The following CPQ variants were observed in gnomAD, a reference collection of about 807,000 sequenced individuals.
CPQ encodes the protein Ser-Met dipeptidase.
CPQ carries 37 observed loss-of-function variants against 45.7 expected under a neutral mutation model. The observed-to-expected ratio is 0.81, with a 90% CI of 0.62 to 1.07. The LOEUF (loss-of-function observed/expected upper bound fraction) is 1.07, where lower values mean the gene tolerates loss of function less well. CPQ is among the 50% of genes least tolerant of loss of function. CPQ has a pLI of 0.00. For missense variants in CPQ, 537 were observed against 572.9 expected (o/e 0.94, Z 0.64); for synonymous variants, 186 against 205.8 (o/e 0.90, Z 0.82).
chr8:96,991,736 G>A (rs924995605), intron 5 of CPQ, among the ~76,000 whole-genome samples: 2 of 152,136 alleles, frequency 1.3e-5, no homozygotes, highest in Admixed American at 6.5e-5. Flanking sequence ...GACATGTACT[G>A]TATTAACTGG....
chr8:96,647,962 ACT>A (rs1815536122), intron 1 of CPQ, among the ~76,000 whole-genome samples: 1 of 152,170 alleles, frequency 6.6e-6, no homozygotes. Context: ...TTGGTAAGGC[ACT>A]GCCTCCCAAC....
At chr8:96,774,619 T>C (rs2130800677) in intron 1 of CPQ, among the ~76,000 whole-genome samples, 1 of 152,240 alleles carries the variant, frequency 6.6e-6, no homozygotes, top group Non-Finnish European at 1.5e-5. Flanking sequence ...CTGTTCTTCC[T>C]GAGGGAAAAA....
chr8:97,111,731 G>A lies in CPQ; in HGVS notation c.1256-31289G>A, dbSNP rs749601665. Among the ~76,000 whole-genome samples, 7 of 152,178 alleles carry A rather than the reference G, an allele frequency of 4.6e-5. No individual in the cohort carries two copies. The South Asian group carries it at 6.2e-4, about 13-fold the overall frequency. On this transcript the variant is annotated intron_variant, in intron 7 of 7. Transcript: ENST00000220763. ...GAGTAACATGGCCCTGCCTCATGTC[G>A]TCAGTGCAGGATGCTCATTTCCAAG...
chr8:97,071,767 G>T (rs910433505), intron 7 of CPQ, among the ~76,000 whole-genome samples: 2 of 152,226 alleles, frequency 1.3e-5, no homozygotes, highest in Non-Finnish European at 2.9e-5. Flanking sequence ...ATGGCAGTAA[G>T]GGGATGATGT....
intron 4 of CPQ, among the ~76,000 whole-genome samples, chr8:96,941,179 G>GTGCTGC (rs951290332): frequency 2.0e-5 from 3 of 151,840 alleles, no homozygotes; most frequent in African/African-American, 7.3e-5. Context: ...GAGTGCCCTG[G>GTGCTGC]TGCTGCTGCT....
rs568026205 is a variant in CPQ at position 96,692,161 on chromosome 8, A to G, written c.-35+46759A>G. Among the ~76,000 whole-genome samples the G allele has an allele frequency of 5.3e-5, 8 of 152,322 alleles. No homozygotes were observed. The South Asian group carries it at 1.7e-3, about 32-fold the overall frequency. Reference sequence around the variant, plus strand: ...TCTAGAAAGGAGAATGATATTGGTAAGTGCAGGAGTGTACCTAAGACAAGC... The same window carrying G: ...TCTAGAAAGGAGAATGATATTGGTAGGTGCAGGAGTGTACCTAAGACAAGC... On this transcript the variant is annotated intron_variant, in intron 1 of 7. Transcript: ENST00000220763.
At chr8:96,648,270 G>A (rs1815539662) in intron 1 of CPQ, among the ~76,000 whole-genome samples, 1 of 152,138 alleles carries the variant, frequency 6.6e-6, no homozygotes, top group African/African-American at 2.4e-5. Context: ...GAAGGCTGGT[G>A]TGATGGAATA....
intron 1 of CPQ, among the ~76,000 whole-genome samples, chr8:96,730,866 C>CATATATATATATATATATATATATAT (rs35247469): frequency 3.2e-4 from 22 of 68,668 alleles, no homozygotes; most frequent in African/African-American, 9.1e-4. Flanking sequence ...ACCATACATA[C>CATATATATATATATATATATATATAT]ATATATATAT....
In CPQ at chr8:97,101,619, C is replaced by CA. The variant is rs1195805443; in HGVS notation, c.1255+35409_1255+35410insA. On this transcript the variant is annotated intron_variant, in intron 7 of 7. Transcript: ENST00000220763. ...CTTTTGACCAGGAAAAGGAATCCAA[C>CA]TGAGTTTTGATTTGGCCATTATGTC... Among the ~76,000 whole-genome samples, 8 of 132,190 alleles carry CA rather than the reference C, an allele frequency of 6.1e-5. No homozygotes were observed. The South Asian group carries it at 2.0e-3, about 33-fold the overall frequency. The allele number at this position is 132,190 out of a possible 152,430, so 86.7% of individuals were successfully genotyped here. A position where few individuals can be genotyped will look rare whatever the true frequency, so the allele number is the denominator to read the frequency against.
intron 3 of CPQ, among the ~76,000 whole-genome samples, chr8:96,854,253 C>T (rs1438361933): frequency 1.3e-5 from 2 of 151,944 alleles, no homozygotes; most frequent in Non-Finnish European, 2.9e-5. Flanking sequence ...CAATGTGGGC[C>T]GGGCGCGGTG....
At chr8:96,702,040 T>C (rs1228370875) in intron 1 of CPQ, among the ~76,000 whole-genome samples, 1 of 152,198 alleles carries the variant, frequency 6.6e-6, no homozygotes, top group East Asian at 1.9e-4. Context: ...CTTCCCTTCT[T>C]TGGTGACCCA....
intron 4 of CPQ, among the ~76,000 whole-genome samples, chr8:96,910,287 T>A (rs183182491): frequency 6.6e-6 from 1 of 152,302 alleles, no homozygotes; most frequent in East Asian, 1.9e-4. Flanking sequence ...GTAGAAGTAG[T>A]TTTAAAACTC....
chr8:96,847,882 T>A (rs1283662649), intron 3 of CPQ, among the ~76,000 whole-genome samples: 1 of 141,994 alleles, frequency 7.0e-6, no homozygotes, highest in Non-Finnish European at 1.5e-5. Flanking sequence ...TGTTGAGGAG[T>A]ATGAAAAGAG....
chr8:96,984,485 G>T (rs1309067017), intron 5 of CPQ, among the ~76,000 whole-genome samples: 2 of 152,142 alleles, frequency 1.3e-5, no homozygotes, highest in African/African-American at 4.8e-5. Context: ...TCTTCTATGT[G>T]AGGACAGTTT....
At chr8:97,031,147 T>C (rs899436358) in intron 6 of CPQ, among the ~76,000 whole-genome samples, 6 of 151,782 alleles carry the variant, frequency 4.0e-5, no homozygotes, top group South Asian at 2.1e-4. Flanking sequence ...TCTATACATA[T>C]TGGACTTTAT....
intron 1 of CPQ, among the ~76,000 whole-genome samples, chr8:96,666,767 G>A (rs1457408010): frequency 2.6e-5 from 4 of 152,164 alleles, no homozygotes; most frequent in Non-Finnish European, 5.9e-5. Flanking sequence ...TTGCTCCCGG[G>A]CTTGATGGCC....
intron 3 of CPQ, among the ~76,000 whole-genome samples, chr8:96,851,135 C>G (rs558207679): frequency 6.6e-6 from 1 of 152,222 alleles, no homozygotes; most frequent in South Asian, 2.1e-4. Context: ...AGGCAGGGAG[C>G]TTTAGACACA....
chr8:96,893,539 A>G (rs1247588948), intron 4 of CPQ, among the ~76,000 whole-genome samples: 1 of 152,160 alleles, frequency 6.6e-6, no homozygotes, highest in Non-Finnish European at 1.5e-5. Flanking sequence ...GCCCTCACTG[A>G]TATTGTCCCA....
intron 5 of CPQ, among the ~76,000 whole-genome samples, chr8:96,981,566 A>G (rs1204871338): frequency 3.3e-5 from 5 of 152,190 alleles, no homozygotes; most frequent in African/African-American, 9.7e-5. Context: ...TAGTGAAATA[A>G]TTTTACCTGA....
Sources: gnomAD v4.1 joint callset for allele counts (sites outside exome capture counted in the v4.1 genomes callset) on GRCh38, gnomAD v4.1.1 for gene constraint, MANE v1.5 for transcripts, NCBI Gene and HGNC (gene_info 2026-07-23, HGNC 2026-07-21) for gene names.